The following EPCAM variants were observed in gnomAD, a reference collection of about 807,000 sequenced individuals.
EPCAM encodes the protein adenocarcinoma-associated antigen.
Under a neutral mutation model 40.0 loss-of-function variants are expected in EPCAM, and 39 were observed. The observed-to-expected ratio is 0.98, with a 90% CI of 0.76 to 1.27. The LOEUF (loss-of-function observed/expected upper bound fraction) is 1.27, where lower values mean the gene tolerates loss of function less well. EPCAM is among the 50% of genes most tolerant of loss of function. EPCAM has a pLI of 0.00. For synonymous variants in EPCAM, 168 were observed against 132.3 expected (o/e 1.27, Z -1.85); for missense variants, 503 against 381.2 (o/e 1.32, Z -2.66).
chr2:47,383,553 T>TCG (rs2103765482), intron 7 of EPCAM: 2 of 138,006 alleles, frequency 1.4e-5, no homozygotes, highest in South Asian at 5.3e-4. Context: ...TCCGCCTGCC[T>TCG]CGGCCTCTCA....
chr2:47,384,194 C>T (rs1200912952), intron 7 of EPCAM, among the ~76,000 whole-genome samples: 1 of 151,554 alleles, frequency 6.6e-6, no homozygotes, highest in Non-Finnish European at 1.5e-5. Flanking sequence ...ACCTCTGCCC[C>T]CCAGGTTCAA....
At chr2:47,375,426 A>T in intron 4 of EPCAM, 127 bp downstream of exon 4, 1 of 697,074 alleles carries the variant, frequency 1.4e-6, no homozygotes, top group Non-Finnish European at 2.6e-6. Flanking sequence ...CTTGAAATAG[A>T]GTTGCAAGAA....
chr2:47,369,363 C>A lies in EPCAM; in HGVS notation c.-143C>A. ...GCACCTTCGACGCGGTCCGGGGACC[C>A]CCTCGTCGCTGTCCTCCCGACGCGG... On this transcript the variant is annotated 5_prime_UTR_variant, in exon 1 of 9. Coordinates refer to ENST00000263735, the MANE Select transcript of EPCAM (RefSeq NM_002354.3). 8.3e-7 allele frequency: 1 copy of A among 1,205,782 alleles called. No homozygotes were observed. The highest frequency in any genetic ancestry group is 3.2e-5 in the East Asian group (1 of 31,622). The allele number at this position is 1,205,782 out of a possible 1,614,324, so 74.7% of individuals were successfully genotyped here.
chr2:47,377,210 A>C (rs547435916), intron 5 of EPCAM, 133 bp downstream of exon 5: 2 of 734,802 alleles, frequency 2.7e-6, no homozygotes, highest in African/African-American at 3.5e-5. Context: ...TGGGTACTTA[A>C]TGTGAATTTC....
chr2:47,374,402 T>G (rs1197868248), intron 3 of EPCAM, among the ~76,000 whole-genome samples: 4 of 152,168 alleles, frequency 2.6e-5, no homozygotes, highest in Non-Finnish European at 5.9e-5. Flanking sequence ...ATTTAACCTA[T>G]GTATTTGCTT....
At chr2:47,379,363 T>G (rs942361848) in intron 6 of EPCAM, among the ~76,000 whole-genome samples, 8 of 152,194 alleles carry the variant, frequency 5.3e-5, no homozygotes, top group Non-Finnish European at 7.4e-5. Flanking sequence ...AATAAAAGTC[T>G]GTTAAAAAAG....
rs765096194 is a variant in EPCAM, at chr2:47,373,926, GA to G, written c.304del (p.Ser102AlafsTer18). 1.2e-6 allele frequency: 2 copies of G among 1,614,148 alleles called. No individual in the cohort carries two copies. The highest frequency in any genetic ancestry group is 2.2e-5 in the South Asian group (2 of 91,082). On this transcript the variant is annotated frameshift_variant, in exon 3 of 9. Coordinates refer to ENST00000263735, the MANE Select transcript of EPCAM (RefSeq NM_002354.3). LOFTEE classifies it high-confidence loss of function. ...GGCTTTATGATCCTGACTGCGATGAGAGCGGGCTCTTTAAGGCCAAGCAGTG... is the reference window on the plus strand; with the variant it reads ...GGCTTTATGATCCTGACTGCGATGAGGCGGGCTCTTTAAGGCCAAGCAGTG... ...DGLYDPDCDE[S>X]GLFKAKQCNG...
chr2:47,384,279 T>A (rs1006356862), intron 7 of EPCAM, among the ~76,000 whole-genome samples: 2 of 151,834 alleles, frequency 1.3e-5, no homozygotes, highest in Non-Finnish European at 2.9e-5. Context: ...AATTTTTGTA[T>A]CTTTAGTAGA....
intron 4 of EPCAM, 61 bp from the exon 5 acceptor site, chr2:47,376,953 G>A (rs2103753022): frequency 8.9e-7 from 1 of 1,117,480 alleles, no homozygotes; most frequent in South Asian, 1.2e-5. Flanking sequence ...AAAGAGTAGT[G>A]CTTCTTACTG....
rs1671350884 is a variant in EPCAM, at chr2:47,373,886, T to C, written c.263T>C (p.Leu88Pro). The change falls in exon 3 of 9, where the codon CTC becomes CCC. Residue 88 changes from leucine (L) to proline (P), a missense_variant. Leu to Pro is a moderately conservative substitution (Grantham distance 98, BLOSUM62 -3). Coordinates refer to ENST00000263735, the MANE Select transcript of EPCAM (RefSeq NM_002354.3). The part of the protein sequence containing the change: ...LGRRAKPEGA[L>P]QNNDGLYDPD... ...AGAAGAGCAAAACCTGAAGGGGCCC[T>C]CCAGAACAATGATGGGCTTTATGAT... The C allele has an allele frequency of 6.2e-7, 1 of 1,614,080 alleles. No homozygotes were observed. Among genetic ancestry groups the C allele is most frequent in the South Asian group, 1.1e-5 (1 of 91,078 alleles).
intron 1 of EPCAM, among the ~76,000 whole-genome samples, chr2:47,373,227 A>AAC (rs1036198346): frequency 6.7e-6 from 1 of 149,422 alleles, no homozygotes; most frequent in African/African-American, 2.5e-5. Context: ...AAAAAAAAAA[A>AAC]AAAAAAAACA....
intron 5 of EPCAM, among the ~76,000 whole-genome samples, chr2:47,378,299 C>CTTTTTTT (rs70940676): frequency 8.4e-6 from 1 of 118,684 alleles, no homozygotes; most frequent in Non-Finnish European, 1.7e-5. Context: ...TTTTTCTTTT[C>CTTTTTTT]TTTTTTTTTT....
At chr2:47,376,143 G>A (rs913706016) in intron 4 of EPCAM, among the ~76,000 whole-genome samples, 40 of 151,698 alleles carry the variant, frequency 2.6e-4, no homozygotes, top group African/African-American at 8.2e-4. Flanking sequence ...TCTTAATATC[G>A]AACAGTTTCT....
At chr2:47,371,255 GTCTCTC>G (rs909319721) in intron 1 of EPCAM, among the ~76,000 whole-genome samples, 5 of 151,828 alleles carry the variant, frequency 3.3e-5, no homozygotes, top group Non-Finnish European at 7.4e-5. Flanking sequence ...CTTGGCTGCC[GTCTCTC>G]TCTCTCTCTT....
intron 6 of EPCAM, among the ~76,000 whole-genome samples, chr2:47,379,399 TTTG>T: frequency 6.6e-6 from 1 of 152,324 alleles, no homozygotes; most frequent in East Asian, 1.9e-4. Flanking sequence ...ATTAAAATAT[TTTG>T]TTGAAACTTT....
intron 7 of EPCAM, among the ~76,000 whole-genome samples, chr2:47,381,018 A>G (rs1379025349): frequency 2.9e-5 from 4 of 138,328 alleles, no homozygotes; most frequent in Non-Finnish European, 4.7e-5. Context: ...CCTGGGAAGC[A>G]GAGGTTGTAG....
intron 1 of EPCAM, among the ~76,000 whole-genome samples, chr2:47,370,266 T>A (rs1020709400): frequency 6.6e-6 from 1 of 152,172 alleles, no homozygotes; most frequent in South Asian, 2.1e-4. Flanking sequence ...CTTTCTTTCT[T>A]TTTATTTATT....
At chr2:47,384,887 A>G (rs1295844043) in intron 7 of EPCAM, among the ~76,000 whole-genome samples, 1 of 151,956 alleles carries the variant, frequency 6.6e-6, no homozygotes, top group Non-Finnish European at 1.5e-5. Flanking sequence ...TTGTATTTGT[A>G]GTAGAGATGG....
Position 47,374,010 on chromosome 2 carries a change from G to A in EPCAM, c.387G>A (p.Lys129=), listed in dbSNP as rs779817144. The A allele has an allele frequency of 1.9e-6, 3 of 1,614,168 alleles. No individual in the cohort carries two copies. Among genetic ancestry groups the A allele is most frequent in the Non-Finnish European group, 2.5e-6 (3 of 1,180,038 alleles). ...CTGCTGGGGTCAGAAGAACAGACAA[G>A]GACACTGAAATAACCTGCTCTGAGC... ...VNTAGVRRTD[K]DTEITCSERV... is the part of the protein sequence containing the mutation. Residue 129 remains lysine, a synonymous_variant, in exon 3 of 9, where the codon AAG becomes AAA. Transcript: ENST00000263735.
Sources: allele counts gnomAD v4.1 joint callset (sites outside exome capture counted in the v4.1 genomes callset), GRCh38; gene constraint gnomAD v4.1.1; transcripts MANE v1.5; gene names NCBI Gene and HGNC (gene_info 2026-07-23, HGNC 2026-07-21).